The following ADD1 variants were observed in gnomAD, a reference collection of about 807,000 sequenced individuals.
The protein encoded by ADD1 is alpha-adducin.
ADD1 carries 24 observed loss-of-function variants against 80.5 expected under a neutral mutation model. The ratio of observed to expected loss-of-function variants is 0.30; its 90% CI spans 0.22 to 0.42. The LOEUF (loss-of-function observed/expected upper bound fraction) is 0.42. Ranked by LOEUF, ADD1 falls within the 10% of genes least tolerant of loss-of-function variation. The pLI, the probability that ADD1 is intolerant of heterozygous loss-of-function variation, is 1.00. For missense variants in ADD1, 948 were observed against 1,019.0 expected, an observed-to-expected ratio of 0.93 and a Z score of 0.95; for synonymous variants, 373 against 393.8, an observed-to-expected ratio of 0.95 and a Z score of 0.63.
chr4:2,907,691 G>C, intron 10 of ADD1, 52 bp from the exon 11 acceptor site: 1 of 1,431,552 alleles, frequency 7.0e-7, no homozygotes, highest in Non-Finnish European at 9.9e-7. Context: ...TGGATGCTAT[G>C]TCACTTATTG....
chr4:2,900,729 CTG>C (rs1214652232), intron 9 of ADD1: 1 of 152,204 alleles, frequency 6.6e-6, no homozygotes, highest in African/African-American at 2.4e-5. Context: ...AAAGGAGGAA[CTG>C]AGGGTTTTCT....
At chr4:2,891,479 T>G (rs1018943401) in intron 4 of ADD1, among the ~76,000 whole-genome samples, 3 of 151,934 alleles carry the variant, frequency 2.0e-5, no homozygotes, top group Admixed American at 2.0e-4. Context: ...AGGAGCTGAC[T>G]TAAGGAAATA....
intron 1 of ADD1, among the ~76,000 whole-genome samples, chr4:2,861,785 T>C (rs1452747648): frequency 3.3e-5 from 5 of 152,034 alleles, no homozygotes; most frequent in African/African-American, 1.2e-4. Flanking sequence ...GAACCACTGG[T>C]GGAGGTGGTA....
intron 6 of ADD1, among the ~76,000 whole-genome samples, chr4:2,896,049 G>A (rs1735158296): frequency 6.6e-6 from 1 of 151,806 alleles, no homozygotes; most frequent in Admixed American, 6.6e-5. Context: ...CACCTCGCAT[G>A]GCTAATTTTT....
At chr4:2,877,013 A>C (rs968182451) in intron 2 of ADD1, among the ~76,000 whole-genome samples, 5 of 152,028 alleles carry the variant, frequency 3.3e-5, no homozygotes, top group Non-Finnish European at 4.4e-5. Flanking sequence ...AAAAAAAAAA[A>C]AAAAAACCCT....
intron 1 of ADD1, among the ~76,000 whole-genome samples, chr4:2,868,329 T>TAATG (rs1008235234): frequency 2.6e-5 from 4 of 152,184 alleles, no homozygotes; most frequent in Non-Finnish European, 5.9e-5. Flanking sequence ...CAAGTGTTTG[T>TAATG]AATGAATTTC....
Position 2,876,130 on chromosome 4 carries a change from C to G in ADD1, c.195+20C>G. The G allele has an allele frequency of 1.2e-6, 2 of 1,603,660 alleles. No individual in the cohort carries two copies. The highest frequency in any genetic ancestry group is 2.2e-5 in the East Asian group (1 of 44,832). ...AGCCCTGTGAGAAGAGAAGTCTTTTCTCTGACCAGATGTCATCTTTCCTTT... is the reference window on the plus strand; with the variant it reads ...AGCCCTGTGAGAAGAGAAGTCTTTTGTCTGACCAGATGTCATCTTTCCTTT... On this transcript the variant is annotated intron_variant, in intron 2 of 15. Coordinates refer to ENST00000683351, the MANE Select transcript of ADD1 (RefSeq NM_001354761.2).
intron 1 of ADD1, among the ~76,000 whole-genome samples, chr4:2,872,125 A>T (rs1419050124): frequency 6.6e-6 from 1 of 152,154 alleles, no homozygotes; most frequent in Non-Finnish European, 1.5e-5. Context: ...GATTTGAGTG[A>T]CATCTGGGGG....
chr4:2,845,481 A>C (rs1726060321), intron 1 of ADD1, among the ~76,000 whole-genome samples: 2 of 152,098 alleles, frequency 1.3e-5, no homozygotes, highest in South Asian at 2.1e-4. Flanking sequence ...TGCTTTTCAG[A>C]GTTTCGATGT....
chr4:2,861,891 G>A (rs1728870954), intron 1 of ADD1, among the ~76,000 whole-genome samples: 1 of 152,218 alleles, frequency 6.6e-6, no homozygotes, highest in Admixed American at 6.5e-5. Context: ...TTTGAATGCA[G>A]CCTAACACAA....
At chr4:2,875,558 A>G (rs985501248) in intron 1 of ADD1, among the ~76,000 whole-genome samples, 1 of 152,226 alleles carries the variant, frequency 6.6e-6, no homozygotes, top group African/African-American at 2.4e-5. Context: ...TGTGGAACAA[A>G]TCATGTCTGT....
intron 4 of ADD1, among the ~76,000 whole-genome samples, chr4:2,890,530 C>A (rs1253795184): frequency 1.3e-5 from 2 of 152,214 alleles, no homozygotes; most frequent in East Asian, 3.9e-4. Context: ...CCTCAACCTC[C>A]CGAGTAGCTG....
In ADD1 at chr4:2,875,920, A is replaced by T; in HGVS notation, c.5A>T (p.Asn2Ile). 1 of 1,591,204 alleles carries T rather than the reference A, an allele frequency of 6.3e-7. No homozygotes were observed. Among genetic ancestry groups the T allele is most frequent in the Non-Finnish European group, 8.5e-7 (1 of 1,172,056 alleles). The change falls in exon 2 of 16, where the codon AAT becomes ATT. Residue 2 changes from asparagine to isoleucine, a missense_variant. Physicochemically the swap from Asn to Ile is moderately radical, Grantham distance 149. Transcript: ENST00000683351. ...GGAACCTAGAAAGATTGTACAATGAATGGTGATTCTCGTGCTGCGGTGGTG... is the reference window on the plus strand; with the variant it reads ...GGAACCTAGAAAGATTGTACAATGATTGGTGATTCTCGTGCTGCGGTGGTG... MNGDSRAAVVTS... is the reference protein window; with the variant it reads MIGDSRAAVVTS...
chr4:2,847,647 C>T (rs1186119839), intron 1 of ADD1, among the ~76,000 whole-genome samples: 1 of 151,948 alleles, frequency 6.6e-6, no homozygotes, highest in Non-Finnish European at 1.5e-5. Context: ...TGTGACACAG[C>T]CTCCAGAAGT....
chr4:2,853,784 A>T (rs1727671463), intron 1 of ADD1: 2 of 151,556 alleles, frequency 1.3e-5, no homozygotes, highest in Non-Finnish European at 2.9e-5. Flanking sequence ...TTGTATTTTT[A>T]ATAGAGACAG....
chr4:2,860,054 G>A (rs189977168), intron 1 of ADD1, among the ~76,000 whole-genome samples: 5 of 151,676 alleles, frequency 3.3e-5, no homozygotes, highest in South Asian at 2.1e-4. Flanking sequence ...CTATACTGAT[G>A]TGTCTGGTCA....
At chr4:2,913,095 G>A (rs752235170) in intron 13 of ADD1, among the ~76,000 whole-genome samples, 3 of 152,030 alleles carry the variant, frequency 2.0e-5, no homozygotes, top group Non-Finnish European at 2.9e-5. Flanking sequence ...TGATCCACCC[G>A]CCTCAGCTTC....
intron 14 of ADD1, among the ~76,000 whole-genome samples, chr4:2,916,486 G>A (rs1029363525): frequency 2.0e-5 from 3 of 151,962 alleles, no homozygotes; most frequent in African/African-American, 7.3e-5. Context: ...GAGCCACTGC[G>A]CCCGGCCCTG....
chr4:2,909,671 A>T lies in ADD1; in HGVS notation c.1791+240A>T, dbSNP rs1171669862. ...TCGAAGTTGTTACTGAGAAATGGCC[A>T]GTCTGAGCAACGTGGTGCATTTCTG... On this transcript the variant is annotated intron_variant, in intron 13 of 15. Coordinates refer to ENST00000683351, the MANE Select transcript of ADD1 (RefSeq NM_001354761.2). Among the ~76,000 whole-genome samples the T allele has an allele frequency of 3.3e-5, 5 of 152,192 alleles. No individual in the cohort carries two copies. The East Asian group carries it at 9.6e-4, about 29-fold the overall frequency.
Sources: allele counts gnomAD v4.1 joint callset (sites outside exome capture counted in the v4.1 genomes callset), GRCh38; gene constraint gnomAD v4.1.1; transcripts MANE v1.5; gene names NCBI Gene and HGNC (gene_info 2026-07-23, HGNC 2026-07-21).